The following HRH2 variants were observed in gnomAD, a reference collection of about 807,000 sequenced individuals.
HRH2 encodes the protein histamine receptor H2.
A neutral mutation model predicts 20.1 loss-of-function variants in HRH2; 4 were observed. The ratio of observed to expected loss-of-function variants is 0.20; its 90% CI spans 0.10 to 0.45. HRH2 has a LOEUF of 0.45. HRH2 is among the 20% of genes least tolerant of loss of function. The probability of loss-of-function intolerance (pLI) is 0.99; values close to 1 mark genes in which losing one functional copy is unlikely to be tolerated. For missense variants in HRH2, 250 were observed against 461.6 expected, an observed-to-expected ratio of 0.54 and a Z score of 4.20; for synonymous variants, 197 against 200.7, an observed-to-expected ratio of 0.98 and a Z score of 0.16.
intron 2 of HRH2, chr5:175,685,620 C>T: frequency 1.4e-6 from 1 of 714,228 alleles, no homozygotes; most frequent in Non-Finnish European, 2.5e-6. Context: ...GCTCTGCCGT[C>T]ACTCAACTTG....
At chr5:175,701,871 C>T (rs1301216730) in intron 2 of HRH2, among the ~76,000 whole-genome samples, 3 of 152,190 alleles carry the variant, frequency 2.0e-5, no homozygotes, top group Non-Finnish European at 4.4e-5. Context: ...CCTAGAACCC[C>T]GTTAACATCC....
intron 1 of HRH2, among the ~76,000 whole-genome samples, chr5:175,660,014 G>A (rs532680876): frequency 1.6e-4 from 24 of 152,212 alleles, no homozygotes; most frequent in East Asian, 1.2e-3. Context: ...AGCCTAGGCC[G>A]ATTCTCCTGA....
intron 2 of HRH2, among the ~76,000 whole-genome samples, chr5:175,696,368 G>A (rs1327705254): frequency 2.0e-5 from 3 of 152,210 alleles, no homozygotes; most frequent in African/African-American, 7.2e-5. Context: ...TCTGAGCTCC[G>A]CCTTGTGCCT....
At chr5:175,707,204 C>G (rs987276206) in intron 2 of HRH2, among the ~76,000 whole-genome samples, 2 of 152,216 alleles carry the variant, frequency 1.3e-5, no homozygotes, top group African/African-American at 4.8e-5. Context: ...AGGAGGATCA[C>G]TTGAGCCCAG....
chr5:175,706,668 C>G (rs550697001), intron 2 of HRH2, among the ~76,000 whole-genome samples: 1 of 152,308 alleles, frequency 6.6e-6, no homozygotes, highest in African/African-American at 2.4e-5. Flanking sequence ...AGAGGGATGA[C>G]CTTGAGGCCC....
chr5:175,697,588 G>A (rs546022315), intron 2 of HRH2, among the ~76,000 whole-genome samples: 1 of 151,330 alleles, frequency 6.6e-6, no homozygotes, highest in Non-Finnish European at 1.5e-5. Context: ...CCATTCCCCC[G>A]CTGGGGTATT....
At chr5:175,668,305 C>T (rs1755382006) in intron 1 of HRH2, among the ~76,000 whole-genome samples, 1 of 152,178 alleles carries the variant, frequency 6.6e-6, no homozygotes, top group African/African-American at 2.4e-5. Context: ...CACATTTACC[C>T]ACTGACTCCG....
At chr5:175,690,247 C>T (rs1420197221) in intron 2 of HRH2, among the ~76,000 whole-genome samples, 1 of 152,212 alleles carries the variant, frequency 6.6e-6, no homozygotes, top group Non-Finnish European at 1.5e-5. Context: ...GAAGCTGCTG[C>T]CCCATCTCAC....
intron 2 of HRH2, among the ~76,000 whole-genome samples, chr5:175,689,346 T>G (rs576938786): frequency 6.8e-6 from 1 of 148,072 alleles, no homozygotes; most frequent in African/African-American, 2.5e-5. Context: ...GACTTACTTA[T>G]CCTATTGGTT....
rs1377810619 is a variant in HRH2, at chr5:175,710,259, G to A, written c.*2288G>A. On this transcript the variant is annotated 3_prime_UTR_variant, in exon 3 of 3. Transcript: ENST00000636584. ...GAGGAGAGTTTGTCACATGGTAGGA[G>A]CTTAATAAATATGTGTTGGATGAAT... 6.6e-6 allele frequency: 1 copy of A among 152,356 alleles called. No individual in the cohort carries two copies. Among genetic ancestry groups the A allele is most frequent in the African/African-American group, 2.4e-5 (1 of 41,468 alleles). The allele number at this position is 152,356 out of a possible 1,614,324, so 9.4% of individuals were successfully genotyped here. A position where few individuals can be genotyped will look rare whatever the true frequency, so the allele number is the denominator to read the frequency against.
chr5:175,664,240 G>A (rs779398903), intron 1 of HRH2, among the ~76,000 whole-genome samples: 13 of 152,190 alleles, frequency 8.5e-5, no homozygotes, highest in Non-Finnish European at 1.6e-4. Flanking sequence ...CTGGGAGAAT[G>A]ATCTAACAGC....
At chr5:175,673,380 G>A (rs1755633647) in intron 1 of HRH2, among the ~76,000 whole-genome samples, 2 of 152,150 alleles carry the variant, frequency 1.3e-5, no homozygotes, top group African/African-American at 4.8e-5. Context: ...TGGAGGCTGG[G>A]GAGGAGCAGG....
chr5:175,676,420 C>A (rs1581425130), intron 1 of HRH2, among the ~76,000 whole-genome samples: 1 of 152,332 alleles, frequency 6.6e-6, no homozygotes, highest in East Asian at 1.9e-4. Context: ...CCACCCACAG[C>A]TCTTATTAGC....
chr5:175,668,989 G>A (rs976275556), intron 1 of HRH2, among the ~76,000 whole-genome samples: 5 of 152,164 alleles, frequency 3.3e-5, no homozygotes, highest in African/African-American at 4.8e-5. Flanking sequence ...TTTGGTTTTT[G>A]TTTTGTTTTG....
At chr5:175,678,667 C>T (rs997623496) in intron 1 of HRH2, among the ~76,000 whole-genome samples, 2 of 152,240 alleles carry the variant, frequency 1.3e-5, no homozygotes, top group Non-Finnish European at 1.5e-5. Flanking sequence ...TCGGGCACAG[C>T]GGTCGCTGCG....
At chr5:175,680,353 T>A (rs1163633721) in intron 1 of HRH2, among the ~76,000 whole-genome samples, 2 of 152,278 alleles carry the variant, frequency 1.3e-5, no homozygotes, top group East Asian at 3.9e-4. Context: ...CAGTGCCCAG[T>A]GTGTGCCCAT....
Position 175,693,791 on chromosome 5 carries a change from T to C in HRH2, c.1076+9482T>C, listed in dbSNP as rs1756463837. ...TGGTGGTAAGAGGATGCACATGCTC[T>C]TGTTCTGCCCCGCTTTTGTTCCACC... On this transcript the variant is annotated intron_variant, in intron 2 of 2. Transcript: ENST00000636584. This position sits in a 1 kb window ranked among gnomAD's most constrained non-coding sequence, Gnocchi z 4.4. Among the ~76,000 whole-genome samples, 1 of 152,190 alleles carries C rather than the reference T, an allele frequency of 6.6e-6. No individual in the cohort carries two copies. The highest frequency in any genetic ancestry group is 1.5e-5 in the Non-Finnish European group (1 of 68,020).
In HRH2 at chr5:175,681,821, C is replaced by T. The variant is rs1171291152; in HGVS notation, c.-525-888C>T. Among the ~76,000 whole-genome samples the T allele has an allele frequency of 6.6e-6, 1 of 152,084 alleles. No individual in the cohort carries two copies. On this transcript the variant is annotated intron_variant, in intron 1 of 2. Coordinates refer to ENST00000636584, the MANE Select transcript of HRH2 (RefSeq NM_001367711.1). This position sits in a 1 kb window ranked among gnomAD's most constrained non-coding sequence, Gnocchi z 4.3. Reference sequence around the variant, plus strand: ...TTAGAAGGAATGAGTGAGTTCTGTCCCTGCTGACCTGGATGTGGGATCACG... The same window carrying T: ...TTAGAAGGAATGAGTGAGTTCTGTCTCTGCTGACCTGGATGTGGGATCACG...
intron 1 of HRH2, among the ~76,000 whole-genome samples, chr5:175,669,080 A>G (rs932730790): frequency 1.3e-5 from 2 of 152,014 alleles, no homozygotes; most frequent in African/African-American, 4.8e-5. Context: ...CCTGGGCCCA[A>G]GCGATCCTCC....
Sources: allele counts gnomAD v4.1 joint callset (sites outside exome capture counted in the v4.1 genomes callset), GRCh38; gene constraint gnomAD v4.1.1; non-coding constraint Gnocchi (gnomAD v3.1); transcripts MANE v1.5; gene names NCBI Gene and HGNC (gene_info 2026-07-23, HGNC 2026-07-21).